The following HUNK variants were observed in gnomAD, a reference collection of about 807,000 sequenced individuals.
HUNK encodes hormonally up-regulated Neu-associated kinase, also known as hormonally up-regulated neu tumor-associated kinase.
HUNK carries 21 observed loss-of-function variants against 61.0 expected under a neutral mutation model. The observed-to-expected ratio is 0.34, with a 90% CI of 0.24 to 0.50. The LOEUF is 0.50. Among genes scored for constraint, HUNK ranks in the 20% least tolerant of loss-of-function variants. The probability of loss-of-function intolerance (pLI) is 0.98; values close to 1 mark genes in which losing one functional copy is unlikely to be tolerated. For synonymous variants in HUNK, 371 were observed against 386.1 expected, an observed-to-expected ratio of 0.96 and a Z score of 0.46; for missense variants, 772 against 945.7, an observed-to-expected ratio of 0.82 and a Z score of 2.41.
At chr21:31,890,519 C>T (rs1354662278) in intron 1 of HUNK, among the ~76,000 whole-genome samples, 2 of 152,152 alleles carry the variant, frequency 1.3e-5, no homozygotes, top group South Asian at 2.1e-4. Flanking sequence ...CATGAGCCAC[C>T]GCGCCTGGCC....
At chr21:31,980,405 T>C (rs1429369454) in intron 7 of HUNK, among the ~76,000 whole-genome samples, 1 of 133,184 alleles carries the variant, frequency 7.5e-6, no homozygotes, top group East Asian at 2.2e-4. Flanking sequence ...TGAGATGGAG[T>C]CTCGCTCTGT....
At chr21:31,990,802 C>G (rs1321898382) in intron 9 of HUNK, among the ~76,000 whole-genome samples, 3 of 152,180 alleles carry the variant, frequency 2.0e-5, no homozygotes, top group African/African-American at 7.2e-5. Context: ...TCCCAAAGTG[C>G]TAGGATTATA....
intron 10 of HUNK, 99 bp from the exon 11 acceptor site, chr21:31,998,427 G>A (rs1429300665): frequency 5.9e-6 from 7 of 1,186,636 alleles, no homozygotes; most frequent in African/African-American, 1.5e-5. Flanking sequence ...ACCTTGGCGG[G>A]AACTGTCTCA....
At chr21:31,914,418 A>G (rs1208978257) in intron 1 of HUNK, among the ~76,000 whole-genome samples, 5 of 146,692 alleles carry the variant, frequency 3.4e-5, no homozygotes, top group Admixed American at 3.3e-4. Flanking sequence ...CAAAAAAAAA[A>G]AAAAAAAAAA....
chr21:31,968,555 T>TAGACAGG (rs1411314942), intron 6 of HUNK, among the ~76,000 whole-genome samples, 170 bp downstream of exon 6: 1 of 152,094 alleles, frequency 6.6e-6, no homozygotes, highest in Non-Finnish European at 1.5e-5. Context: ...AGAGGAAGCG[T>TAGACAGG]AGACAGGGCC....
At chr21:31,966,058 C>T (rs997292388) in intron 5 of HUNK, among the ~76,000 whole-genome samples, 1 of 152,132 alleles carries the variant, frequency 6.6e-6, no homozygotes, top group African/African-American at 2.4e-5. Context: ...TCCCCTGCCC[C>T]TCTCCTACCC....
chr21:31,916,197 C>CGTG (rs1220065105), intron 1 of HUNK, among the ~76,000 whole-genome samples: 5 of 151,308 alleles, frequency 3.3e-5, no homozygotes, highest in African/African-American at 1.2e-4. Context: ...ACTACAGGCA[C>CGTG]CCACCACCAT....
At chr21:31,983,654 G>A in intron 8 of HUNK, 45 bp downstream of exon 8, 1 of 1,375,066 alleles carries the variant, frequency 7.3e-7, no homozygotes, top group Non-Finnish European at 1.0e-6. Context: ...TAGGAAGGGT[G>A]GATTTCCATT....
intron 8 of HUNK, among the ~76,000 whole-genome samples, chr21:31,984,496 C>T (rs985631411): frequency 6.6e-6 from 1 of 152,210 alleles, no homozygotes; most frequent in African/African-American, 2.4e-5. Flanking sequence ...AGTTTGGGAT[C>T]AGGCAGGCTT....
intron 1 of HUNK, among the ~76,000 whole-genome samples, chr21:31,920,200 A>G (rs1419538568): frequency 1.3e-5 from 2 of 152,040 alleles, no homozygotes; most frequent in Non-Finnish European, 2.9e-5. Context: ...TTCTTTCTCT[A>G]TTTTATAAGG....
In HUNK at chr21:31,981,000, C is replaced by T. The variant is rs376963404; in HGVS notation, c.1174-2526C>T. 2.0e-4 allele frequency among the ~76,000 whole-genome samples: 31 copies of T among 152,262 alleles called. 1 individual carries two copies. The highest frequency in any genetic ancestry group is 6.3e-4 in the African/African-American group (26 of 41,550). On this transcript the variant is annotated intron_variant, in intron 7 of 10. Transcript: ENST00000270112. ...ATTACAGGCATGAGCCACTGTGGCC[C>T]GGGCCTAAGTCTTTAACTCATTTTG...
chr21:31,992,543 G>A (rs763275214), intron 9 of HUNK, among the ~76,000 whole-genome samples: 1 of 152,194 alleles, frequency 6.6e-6, no homozygotes, highest in Non-Finnish European at 1.5e-5. Flanking sequence ...GTGCGAGAGG[G>A]CGGGCTTCGA....
At chr21:31,892,391 C>T (rs960592228) in intron 1 of HUNK, among the ~76,000 whole-genome samples, 2 of 151,192 alleles carry the variant, frequency 1.3e-5, no homozygotes, top group Admixed American at 1.3e-4. Context: ...CATGGTGAGA[C>T]CTCTGCCTCT....
At chr21:31,917,052 T>C (rs2052588085) in intron 1 of HUNK, among the ~76,000 whole-genome samples, 1 of 152,106 alleles carries the variant, frequency 6.6e-6, no homozygotes, top group African/African-American at 2.4e-5. Context: ...TTTTTTGGCC[T>C]TGGGGGATTT....
intron 1 of HUNK, among the ~76,000 whole-genome samples, chr21:31,894,922 G>T (rs753277595): frequency 6.6e-6 from 1 of 152,158 alleles, no homozygotes; most frequent in Non-Finnish European, 1.5e-5. Flanking sequence ...CCAGTAGTTA[G>T]AGCTAAGCTG....
intron 1 of HUNK, among the ~76,000 whole-genome samples, chr21:31,879,766 T>C (rs1424360102): frequency 7.9e-5 from 12 of 151,808 alleles, no homozygotes; most frequent in Admixed American, 7.9e-4. Context: ...GAGGGACAGG[T>C]TGGGGTGTTC....
intron 7 of HUNK, among the ~76,000 whole-genome samples, chr21:31,982,042 ATTC>A (rs1416796776): frequency 2.0e-5 from 3 of 152,114 alleles, no homozygotes; most frequent in Non-Finnish European, 4.4e-5. Context: ...TTCCTTAGCT[ATTC>A]TTCCTGAGGG....
At position 32,001,172 on chromosome 21, in the gene HUNK, G is replaced by A. The variant is rs976400490; in HGVS notation, c.*1988G>A. 6.5e-6 allele frequency: 1 copy of A among 152,736 alleles called. No individual in the cohort carries two copies. Among genetic ancestry groups the A allele is most frequent in the African/African-American group, 2.4e-5 (1 of 41,426 alleles). 9.5% of individuals were successfully genotyped at this position (152,736 alleles called of 1,614,324 possible). ...GTGCCTGTAGTCCCAGCTACTTCGG[G>A]GACTGAGGTGGGAGGATCACTTGAA... On this transcript the variant is annotated 3_prime_UTR_variant, in exon 11 of 11. Transcript: ENST00000270112.
chr21:31,980,978 A>G (rs1339115236), intron 7 of HUNK, among the ~76,000 whole-genome samples: 1 of 152,236 alleles, frequency 6.6e-6, no homozygotes, highest in Non-Finnish European at 1.5e-5. Context: ...TGCTGGGATT[A>G]CAGGCATGAG....
Sources: allele counts gnomAD v4.1 joint callset (sites outside exome capture counted in the v4.1 genomes callset), GRCh38; gene constraint gnomAD v4.1.1; transcripts MANE v1.5; gene names NCBI Gene and HGNC (gene_info 2026-07-23, HGNC 2026-07-21).